Variants in RBPMS2 observed in about 807,000 individuals in gnomAD.
RBPMS2 encodes RNA-binding protein with multiple splicing 2.
In RBPMS2, 14 loss-of-function variants were observed where a neutral mutation model predicts 25.7. The ratio of observed to expected loss-of-function variants is 0.55; its 90% CI spans 0.36 to 0.85. The LOEUF is 0.85. RBPMS2 is among the 40% of genes least tolerant of loss of function. The probability of loss-of-function intolerance (pLI) is 0.01; values close to 1 mark genes in which losing one functional copy is unlikely to be tolerated. For synonymous variants in RBPMS2, 127 were observed against 115.6 expected, an observed-to-expected ratio of 1.10 and a Z score of -0.63; for missense variants, 252 against 283.4, an observed-to-expected ratio of 0.89 and a Z score of 0.80.
At chr15:64,762,738 C>T (rs867487169) in intron 1 of RBPMS2, among the ~76,000 whole-genome samples, 3 of 152,158 alleles carry the variant, frequency 2.0e-5, no homozygotes, top group Non-Finnish European at 4.4e-5. Context: ...CCTCAGGTCC[C>T]GTCACACACT....
At chr15:64,755,187 C>T (rs980592786) in intron 1 of RBPMS2, among the ~76,000 whole-genome samples, 5 of 152,012 alleles carry the variant, frequency 3.3e-5, no homozygotes, top group African/African-American at 1.2e-4. Context: ...AGACTCGTTT[C>T]CAGCCAGGAT....
rs1275602191 is a variant in RBPMS2 at position 64,740,035 on chromosome 15, T to G, written c.*973A>C. On this transcript the variant is annotated 3_prime_UTR_variant, in exon 8 of 8. Transcript: ENST00000300069. ...TGCGGCTGACAGTAAAGCACTGATA[T>G]GCTCAAAACAAAAAACATTGCACAG... The G allele has an allele frequency of 1.3e-5, 2 of 152,660 alleles. No homozygotes were observed. Among genetic ancestry groups the G allele is most frequent in the Admixed American group, 6.5e-5 (1 of 15,282 alleles). 9.5% of individuals were successfully genotyped at this position (152,660 alleles called of 1,614,324 possible).
intron 1 of RBPMS2, among the ~76,000 whole-genome samples, chr15:64,768,738 T>C (rs929282211): frequency 6.7e-6 from 1 of 149,430 alleles, no homozygotes; most frequent in Admixed American, 6.7e-5. Flanking sequence ...TCGAGGCTGC[T>C]GTGAGCTATG....
At chr15:64,772,100 T>TA (rs2083896662) in intron 1 of RBPMS2, among the ~76,000 whole-genome samples, 1 of 152,258 alleles carries the variant, frequency 6.6e-6, no homozygotes, top group African/African-American at 2.4e-5. Flanking sequence ...TTGTATTTTT[T>TA]ATCTACAACT....
intron 1 of RBPMS2, among the ~76,000 whole-genome samples, chr15:64,754,441 G>A (rs898024561): frequency 1.2e-4 from 18 of 151,964 alleles, no homozygotes; most frequent in African/African-American, 3.6e-4. Flanking sequence ...GAGAAACCCC[G>A]TCTCTACTAA....
rs535819928 is a variant in RBPMS2 at position 64,764,122 on chromosome 15, C to T, written c.87+11111G>A. ...GACAGAGCCAGGGGCCAGGACTTGG[C>T]TTTCAGGGGCAAAGTTCACTGGGCA... On this transcript the variant is annotated intron_variant, in intron 1 of 7. Transcript: ENST00000300069. 1.1e-4 allele frequency among the ~76,000 whole-genome samples: 17 copies of T among 152,306 alleles called. No homozygotes were observed. The East Asian group carries it at 3.1e-3, about 28-fold the overall frequency.
chr15:64,756,122 C>A (rs2083729548), intron 1 of RBPMS2, among the ~76,000 whole-genome samples: 1 of 151,604 alleles, frequency 6.6e-6, no homozygotes, highest in South Asian at 2.1e-4. Flanking sequence ...CAGGTCTAAG[C>A]ACTGGAGACC....
At chr15:64,768,504 A>G (rs1051970122) in intron 1 of RBPMS2, among the ~76,000 whole-genome samples, 1 of 152,184 alleles carries the variant, frequency 6.6e-6, no homozygotes, top group South Asian at 2.1e-4. Context: ...CAGGTGTGGT[A>G]GCGGGTGCCT....
At position 64,740,602 on chromosome 15, in the gene RBPMS2, A is replaced by G. The variant is rs1301324269; in HGVS notation, c.*406T>C. The stretch of plus-strand genomic sequence containing the variant: ...GTCGCTATGGTGACAGTGTGAGAAC[A>G]AACTGTACACTCATATATACAAGTA... On this transcript the variant is annotated 3_prime_UTR_variant, in exon 8 of 8. Coordinates refer to ENST00000300069, the MANE Select transcript of RBPMS2 (RefSeq NM_194272.3). 1 of 153,068 alleles carries G rather than the reference A, an allele frequency of 6.5e-6. No individual in the cohort carries two copies. Among genetic ancestry groups the G allele is most frequent in the African/African-American group, 2.4e-5 (1 of 41,446 alleles). 9.5% of individuals were successfully genotyped at this position (153,068 alleles called of 1,614,324 possible).
intron 1 of RBPMS2, among the ~76,000 whole-genome samples, chr15:64,774,006 G>A (rs1211732910): frequency 6.6e-6 from 1 of 152,240 alleles, no homozygotes; most frequent in Non-Finnish European, 1.5e-5. Flanking sequence ...CCGCCAAAAA[G>A]TGGAGATCCA....
At chr15:64,745,814 C>T (rs536472386) in intron 6 of RBPMS2, among the ~76,000 whole-genome samples, 1 of 152,198 alleles carries the variant, frequency 6.6e-6, no homozygotes, top group South Asian at 2.1e-4. Context: ...TCTGCAGCCA[C>T]GTAGCTGTGG....
chr15:64,744,795 T>TTTGTTG (rs1567062894), intron 6 of RBPMS2, among the ~76,000 whole-genome samples: 2 of 74,508 alleles, frequency 2.7e-5, no homozygotes, highest in African/African-American at 1.2e-4. Context: ...TTTGGTTTGT[T>TTTGTTG]TTGTTTTTTT....
chr15:64,762,783 T>C (rs906192098), intron 1 of RBPMS2, among the ~76,000 whole-genome samples: 2 of 152,084 alleles, frequency 1.3e-5, no homozygotes, highest in Non-Finnish European at 2.9e-5. Flanking sequence ...TAAAGGGCAG[T>C]AGAATGCGAC....
intron 1 of RBPMS2, among the ~76,000 whole-genome samples, chr15:64,767,196 C>T (rs2083854872): frequency 6.6e-6 from 1 of 151,952 alleles, no homozygotes; most frequent in Non-Finnish European, 1.5e-5. Flanking sequence ...ACTTCCCGGG[C>T]TCAAGCGATC....
intron 6 of RBPMS2, among the ~76,000 whole-genome samples, chr15:64,748,144 C>T (rs180953898): frequency 8.8e-4 from 134 of 152,256 alleles, no homozygotes; most frequent in African/African-American, 3.1e-3. Context: ...AGAACATAGT[C>T]GGTGCCTGGG....
In RBPMS2 at chr15:64,741,660, G is replaced by A. The variant is rs140155817; in HGVS notation, c.568-418C>T. ...ATACATTTTTGTTTGACTTCTTTGG[G>A]TCTCAGTGTTCTCATCTAGCTATAG... On this transcript the variant is annotated intron_variant, in intron 6 of 7. Transcript: ENST00000300069. Among the ~76,000 whole-genome samples, 1,477 of 152,322 alleles carry A rather than the reference G, an allele frequency of 9.7e-3. 14 individuals carry two copies. Among genetic ancestry groups the A allele is most frequent in the Middle Eastern group, 0.02 (6 of 294 alleles).
Position 64,749,012 on chromosome 15 carries a change from C to G in RBPMS2, c.406G>C (p.Ala136Pro). 6.2e-7 allele frequency: 1 copy of G among 1,614,124 alleles called. No individual in the cohort carries two copies. The highest frequency in any genetic ancestry group is 8.5e-7 in the Non-Finnish European group (1 of 1,179,994). Residue 136 changes from alanine to proline, a missense_variant, in exon 5 of 8, where the codon GCA becomes CCA. By Grantham distance (27) the Ala-to-Pro change is conservative (BLOSUM62 -1). Transcript: ENST00000300069. Reference protein sequence around the residue: ...VHPALGAHFIARDPYDLMGAA... With the variant: ...VHPALGAHFIPRDPYDLMGAA... ...GAGTGCCACTCACAGGGGTCCCGTG[C>G]GATGAAGTGTGCTCCTAGGGCGGGG...
intron 1 of RBPMS2, among the ~76,000 whole-genome samples, chr15:64,760,693 C>T (rs1443993209): frequency 1.3e-5 from 2 of 151,782 alleles, no homozygotes; most frequent in Admixed American, 6.6e-5. Context: ...CCCAGCTACT[C>T]GGGAGGCTGA....
chr15:64,749,381 C>T, intron 4 of RBPMS2, 50 bp downstream of exon 4: 1 of 1,526,636 alleles, frequency 6.6e-7, no homozygotes, highest in Non-Finnish European at 9.1e-7. Context: ...TGCACACCCA[C>T]TGCCTAAGAG....
Sources: gnomAD v4.1 joint callset for allele counts (sites outside exome capture counted in the v4.1 genomes callset) on GRCh38, gnomAD v4.1.1 for gene constraint, MANE v1.5 for transcripts, NCBI Gene and HGNC (gene_info 2026-07-23, HGNC 2026-07-21) for gene names.